The following NFATC2 variants were observed in gnomAD, a reference collection of about 807,000 sequenced individuals.
NFATC2 encodes nuclear factor of activated T-cells, cytoplasmic 2.
NFATC2 carries 22 observed loss-of-function variants against 87.3 expected under a neutral mutation model. The ratio of observed to expected loss-of-function variants is 0.25; its 90% confidence interval spans 0.18 to 0.36. NFATC2 has a LOEUF of 0.36. Among genes scored for constraint, NFATC2 ranks in the 10% least tolerant of loss-of-function variants. The pLI, the probability that NFATC2 is intolerant of heterozygous loss-of-function variation, is 1.00. For missense variants in NFATC2, 1,149 were observed against 1,259.1 expected, an observed-to-expected ratio of 0.91 and a Z score of 1.32; for synonymous variants, 565 against 542.2, an observed-to-expected ratio of 1.04 and a Z score of -0.58.
intron 1 of NFATC2, among the ~76,000 whole-genome samples, chr20:51,530,521 G>T (rs1408747290): frequency 6.6e-6 from 1 of 152,132 alleles, no homozygotes; most frequent in African/African-American, 2.4e-5. Flanking sequence ...CTGAAAAATA[G>T]TTCTTAGCAC....
At chr20:51,555,126 G>A (rs1364706062) in intron 1 of NFATC2, among the ~76,000 whole-genome samples, 1 of 152,138 alleles carries the variant, frequency 6.6e-6, no homozygotes, top group Non-Finnish European at 1.5e-5. Flanking sequence ...CTGGACCACT[G>A]CAGCAGCCTC....
At chr20:51,404,684 G>C (rs1191972779) in intron 9 of NFATC2, among the ~76,000 whole-genome samples, 1 of 152,190 alleles carries the variant, frequency 6.6e-6, no homozygotes, top group African/African-American at 2.4e-5. Context: ...CACCTTTGAA[G>C]CTATTTCTGC....
At chr20:51,475,683 C>A (rs1316427454) in intron 3 of NFATC2, 23 bp from the exon 4 acceptor site, 1 of 1,612,430 alleles carries the variant, frequency 6.2e-7, no homozygotes, top group South Asian at 1.1e-5. Flanking sequence ...AAAACAAAAT[C>A]ATTAAGGTGC....
intron 10 of NFATC2, among the ~76,000 whole-genome samples, chr20:51,395,443 CAG>C (rs1172870680): frequency 6.6e-6 from 1 of 152,204 alleles, no homozygotes; most frequent in Admixed American, 6.5e-5. Context: ...GCTTAGCCAG[CAG>C]AGAGAGGCCG....
At chr20:51,435,601 GA>G in intron 7 of NFATC2, 104 bp downstream of exon 7, 1 of 1,270,802 alleles carries the variant, frequency 7.9e-7, no homozygotes, top group Non-Finnish European at 1.1e-6. Context: ...GTTAGGTCCA[GA>G]GCTCTGGGGG....
At chr20:51,401,955 C>T (rs944401962) in intron 9 of NFATC2, among the ~76,000 whole-genome samples, 9 of 152,130 alleles carry the variant, frequency 5.9e-5, no homozygotes, top group East Asian at 1.9e-4. Flanking sequence ...CAGGCATGCA[C>T]GTTTGAATGG....
chr20:51,544,513 T>A (rs544222549), upstream of NFATC2, among the ~76,000 whole-genome samples: 2 of 152,274 alleles, frequency 1.3e-5, no homozygotes, highest in South Asian at 4.1e-4. Context: ...TCCACAAATA[T>A]TTATTGAGCA....
intron 7 of NFATC2, 91 bp downstream of exon 7, chr20:51,435,615 A>T: frequency 7.3e-7 from 1 of 1,377,860 alleles, no homozygotes; most frequent in South Asian, 1.2e-5. Context: ...TCTGGGGGAC[A>T]CTGATGAAGG....
intron 6 of NFATC2, among the ~76,000 whole-genome samples, chr20:51,436,950 T>C (rs142597527): frequency 7.9e-5 from 12 of 151,932 alleles, no homozygotes; most frequent in African/African-American, 2.7e-4. Flanking sequence ...GGCTCACAAG[T>C]CACTGAAGAG....
chr20:51,456,289 G>A (rs1986536373), intron 5 of NFATC2, among the ~76,000 whole-genome samples: 1 of 152,156 alleles, frequency 6.6e-6, no homozygotes, highest in Admixed American at 6.5e-5. Context: ...AAACCAGAAT[G>A]CTATAGTTGA....
At chr20:51,499,342 C>T (rs1036085169) in intron 3 of NFATC2, among the ~76,000 whole-genome samples, 1 of 152,130 alleles carries the variant, frequency 6.6e-6, no homozygotes, top group African/African-American at 2.4e-5. Context: ...GCACCCTACC[C>T]CGAGCCCAGC....
Position 51,523,742 on chromosome 20 carries a change from A to T in NFATC2, c.499T>A (p.Leu167Met). ...GFEGYREPLC[L>M]SPASSGSSAS... ...GAGGAGCCGCTGCTAGCGGGGCTCA[A>T]GCAAAGCGGCTCGCGGTAGCCCTCG... is the stretch of plus-strand genomic sequence containing the variant. Residue 167 changes from leucine (L) to methionine (M), a missense_variant, in exon 2 of 11, where the codon TTG becomes ATG. Transcript: ENST00000371564. The surrounding 1 kb of genome is among the most constrained non-coding windows in gnomAD (Gnocchi z 6.9). 2 of 1,611,724 alleles carry T rather than the reference A, an allele frequency of 1.2e-6. No individual in the cohort carries two copies. Among genetic ancestry groups the T allele is most frequent in the Non-Finnish European group, 8.5e-7 (1 of 1,178,730 alleles).
At chr20:51,411,515 TC>T (rs1979240646) in intron 9 of NFATC2, among the ~76,000 whole-genome samples, 1 of 135,936 alleles carries the variant, frequency 7.4e-6, no homozygotes, top group African/African-American at 2.9e-5. Context: ...AATGCAATTG[TC>T]TTTTTTTTTT....
intron 5 of NFATC2, among the ~76,000 whole-genome samples, chr20:51,457,048 G>A (rs190848061): frequency 5.3e-5 from 8 of 152,332 alleles, no homozygotes; most frequent in Non-Finnish European, 7.3e-5. Context: ...AGGGGCTGCC[G>A]GCTACAAGGA....
At chr20:51,459,429 G>A (rs1023791850) in intron 5 of NFATC2, among the ~76,000 whole-genome samples, 1 of 152,172 alleles carries the variant, frequency 6.6e-6, no homozygotes, top group Non-Finnish European at 1.5e-5. Flanking sequence ...TACGTGAGGC[G>A]TTTCTTTTTC....
intron 3 of NFATC2, among the ~76,000 whole-genome samples, chr20:51,485,525 CTTG>C (rs1989629333): frequency 7.7e-6 from 1 of 130,576 alleles, no homozygotes; most frequent in African/African-American, 2.5e-5. Context: ...TGGGCTTTTT[CTTG>C]TTGATTTTTT....
In NFATC2 at chr20:51,432,123, G is replaced by A. The variant is rs6067777; in HGVS notation, c.2666C>T (p.Pro889Leu). The change falls in exon 9 of 11, where the codon CCT becomes CTT. Residue 889 changes from proline to leucine, a missense_variant. This residue lies in a region of NFATC2 where 581 missense variants were observed against 649.7 expected (regional missense o/e 0.89). Coordinates refer to ENST00000371564, the MANE Select transcript of NFATC2 (RefSeq NM_012340.5). The surrounding 1 kb of genome is among the most constrained non-coding windows in gnomAD (Gnocchi z 4.6). ...PPVSDQKEVLPAGVTIKQEQN... is the reference protein window; with the variant it reads ...PPVSDQKEVLLAGVTIKQEQN... ...CTCCTGTTTAATGGTCACCCCCGCA[G>A]GTAATACTTCCTTTTGGTCACTGAC... 1 of 1,574,412 alleles carries A rather than the reference G, an allele frequency of 6.4e-7. No homozygotes were observed. The highest frequency in any genetic ancestry group is 2.3e-5 in the East Asian group (1 of 44,416).
In NFATC2 at chr20:51,523,288, A is replaced by T; in HGVS notation, c.953T>A (p.Ile318Asn). Residue 318 changes from isoleucine (I) to asparagine (N), a missense_variant, in exon 2 of 11, where the codon ATC becomes AAC. Coordinates refer to ENST00000371564, the MANE Select transcript of NFATC2 (RefSeq NM_012340.5). The surrounding 1 kb of genome is among the most constrained non-coding windows in gnomAD (Gnocchi z 6.9). ...NSLATDSPCGIPPKMWKTSPD... is the reference protein window; with the variant it reads ...NSLATDSPCGNPPKMWKTSPD... ...GCTGGTCTTCCACATCTTGGGGGGG[A>T]TCCCACAAGGCGAGTCCGTGGCGAG... 6.2e-7 allele frequency: 1 copy of T among 1,613,320 alleles called. No homozygotes were observed. Among genetic ancestry groups the T allele is most frequent in the Non-Finnish European group, 8.5e-7 (1 of 1,179,710 alleles).
chr20:51,414,739 A>G lies in NFATC2; in HGVS notation c.2723-16009T>C, dbSNP rs776714764. The stretch of plus-strand genomic sequence containing the variant: ...AGAGCAGGATTTCCAGGCGGTGGTT[A>G]AGGCATGGGCAAAGGTTTGGAGGCA... On this transcript the variant is annotated intron_variant, in intron 9 of 10. Transcript: ENST00000371564. Among the ~76,000 whole-genome samples the G allele has an allele frequency of 2.6e-4, 40 of 151,708 alleles. 1 individual carries two copies. Among genetic ancestry groups the G allele is most frequent in the Non-Finnish European group, 3.5e-4 (24 of 67,948 alleles).
Sources: allele counts gnomAD v4.1 joint callset (sites outside exome capture counted in the v4.1 genomes callset), GRCh38; gene constraint gnomAD v4.1.1; regional missense constraint gnomAD v4.1.1; non-coding constraint Gnocchi (gnomAD v3.1); transcripts MANE v1.5; gene names NCBI Gene and HGNC (gene_info 2026-07-23, HGNC 2026-07-21).